ICMT: variants seen among roughly 807,000 people sequenced by gnomAD.
ICMT encodes the protein isoprenylcysteine carboxyl methyltransferase.
A neutral mutation model predicts 32.2 loss-of-function variants in ICMT; 10 were observed. The ratio of observed to expected loss-of-function variants is 0.31; its 90% confidence interval spans 0.19 to 0.53. The LOEUF (loss-of-function observed/expected upper bound fraction) is 0.53, where lower values mean the gene tolerates loss of function less well. ICMT is among the 20% of genes least tolerant of loss of function. The pLI, the probability that ICMT is intolerant of heterozygous loss-of-function variation, is 0.96. For synonymous variants in ICMT, 183 were observed against 158.2 expected, an observed-to-expected ratio of 1.16 and a Z score of -1.18; for missense variants, 265 against 356.9, an observed-to-expected ratio of 0.74 and a Z score of 2.07.
rs1336906110 is a variant in ICMT, at chr1:6,224,984, G to A, written c.*96C>T. ...AGAAGAGTGACTAATGACATAAAACGATTAAGAAAATCCATGTGGCAGCGG... is the reference window on the plus strand; with the variant it reads ...AGAAGAGTGACTAATGACATAAAACAATTAAGAAAATCCATGTGGCAGCGG... On this transcript the variant is annotated 3_prime_UTR_variant, in exon 5 of 5. Transcript: ENST00000343813. 3.7e-5 allele frequency: 41 copies of A among 1,106,108 alleles called. No homozygotes were observed. The highest frequency in any genetic ancestry group is 1.3e-4 in the South Asian group (9 of 66,748). 68.5% of individuals were successfully genotyped at this position (1,106,108 alleles called of 1,614,324 possible).
At chr1:6,235,673 GCCGCCCGCCCCGCCGGCCC>G in intron 1 of ICMT, 25 bp downstream of exon 1, 6 of 1,131,750 alleles carry the variant, frequency 5.3e-6, no homozygotes, top group Non-Finnish European at 6.5e-6. Flanking sequence ...CAAGCGGACC[GCCGCCCGCCCCGCCGGCCC>G]CCGCCGGCCC....
intron 4 of ICMT, among the ~76,000 whole-genome samples, chr1:6,226,688 A>G (rs188013745): frequency 1.1e-4 from 16 of 151,768 alleles, no homozygotes; most frequent in Admixed American, 1.0e-3. Context: ...ACCCTGTTCA[A>G]CTCTCATGGC....
chr1:6,234,562 G>A, intron 2 of ICMT: 1 of 484,874 alleles, frequency 2.1e-6, no homozygotes, highest in Non-Finnish European at 4.0e-6. Context: ...CCAGAGCCCT[G>A]CCCCTGCCCG....
rs1333693522 is a variant in ICMT at position 6,233,349 on chromosome 1, G to C, written c.454+125C>G. 3 of 821,632 alleles carry C rather than the reference G, an allele frequency of 3.7e-6. No homozygotes were observed. The East Asian group carries it at 7.3e-5, about 20-fold the overall frequency. The allele number at this position is 821,632 out of a possible 1,614,324, so 50.9% of individuals were successfully genotyped here. On this transcript the variant is annotated intron_variant, in intron 3 of 4. Coordinates refer to ENST00000343813, the MANE Select transcript of ICMT (RefSeq NM_012405.4). ...TCATCCTTTATAAATAGCTTAGTGA[G>C]GATAGAGGTCTGCGGAAAATCGCTT...
chr1:6,234,596 C>T (rs971124765), intron 2 of ICMT: 22 of 501,250 alleles, frequency 4.4e-5, no homozygotes, highest in African/African-American at 3.7e-4. Context: ...GCACCCCTTC[C>T]GGGAAGGGCT....
chr1:6,235,763 C>A lies in ICMT; in HGVS notation c.149G>T (p.Gly50Val), dbSNP rs1404458630. ...GRTGLALYVA[G>V]LNALLLLLYR... ...GAGCAGCAGCAGCAGCGCGTTGAGCCCGGCCACGTAGAGCGCCAGCCCGGT... is the reference window on the plus strand; with the variant it reads ...GAGCAGCAGCAGCAGCGCGTTGAGCACGGCCACGTAGAGCGCCAGCCCGGT... Residue 50 changes from glycine to valine, a missense_variant, in exon 1 of 5, where the codon GGG (glycine) becomes GTG (valine). Physicochemically the swap from Gly to Val is moderately radical, Grantham distance 109. Around this residue, in one of 2 missense-constraint regions of ICMT, gnomAD observed 99 missense variants for 92.6 expected, o/e 1.07. Transcript: ENST00000343813. 1.5e-6 allele frequency: 2 copies of A among 1,342,144 alleles called. No individual in the cohort carries two copies. Among genetic ancestry groups the A allele is most frequent in the African/African-American group, 1.5e-5 (1 of 65,146 alleles). 83.1% of individuals were successfully genotyped at this position (1,342,144 alleles called of 1,614,324 possible).
intron 4 of ICMT, among the ~76,000 whole-genome samples, chr1:6,226,732 G>GT (rs921646367): frequency 4.6e-5 from 7 of 151,930 alleles, no homozygotes; most frequent in Admixed American, 6.6e-5. Context: ...TCCCCACTTT[G>GT]TTTTTTTTAA....
intron 1 of ICMT, 121 bp downstream of exon 1, chr1:6,235,596 G>A (rs368591406): frequency 4.9e-6 from 3 of 615,590 alleles, no homozygotes; most frequent in Non-Finnish European, 6.5e-6. Context: ...ACCTGAACTC[G>A]CGGATGAAGA....
intron 3 of ICMT, 31 bp downstream of exon 3, chr1:6,233,443 C>T: frequency 6.3e-7 from 1 of 1,591,198 alleles, no homozygotes; most frequent in South Asian, 1.1e-5. Flanking sequence ...CACCCTTTTC[C>T]CCTCCAGAGG....
intron 4 of ICMT, among the ~76,000 whole-genome samples, chr1:6,226,899 G>C (rs577944991): frequency 5.6e-4 from 86 of 152,328 alleles, no homozygotes; most frequent in African/African-American, 2.0e-3. Flanking sequence ...CATGAGAGGA[G>C]AAGGAGGCCA....
At chr1:6,235,590 G>A in intron 1 of ICMT, 127 bp downstream of exon 1, 1 of 563,562 alleles carries the variant, frequency 1.8e-6, no homozygotes, top group South Asian at 8.1e-5. Context: ...CCTGCGACCT[G>A]AACTCGCGGA....
chr1:6,234,660 G>C, intron 2 of ICMT: 1 of 568,768 alleles, frequency 1.8e-6, no homozygotes, highest in Non-Finnish European at 3.2e-6. Flanking sequence ...ACCTTTGGGG[G>C]TGCCAGGGAG....
At chr1:6,233,668 A>T in intron 2 of ICMT, 25 bp from the exon 3 acceptor site, 1 of 1,595,472 alleles carries the variant, frequency 6.3e-7, no homozygotes, top group Non-Finnish European at 8.6e-7. Flanking sequence ...AAAGAGAGTT[A>T]AGTTGGGACA....
intron 4 of ICMT, among the ~76,000 whole-genome samples, chr1:6,227,764 G>A (rs1334457940): frequency 1.3e-5 from 2 of 152,002 alleles, no homozygotes; most frequent in East Asian, 2.0e-4. Context: ...GCTGAGGCAG[G>A]AGAATGGCGT....
intron 1 of ICMT, among the ~76,000 whole-genome samples, chr1:6,235,467 C>G (rs569888073): frequency 1.3e-4 from 20 of 152,300 alleles, no homozygotes; most frequent in African/African-American, 4.3e-4. Flanking sequence ...CATAAAAGCA[C>G]TCGCGGGCTC....
chr1:6,232,215 A>G, intron 3 of ICMT, 96 bp from the exon 4 acceptor site: 1 of 848,286 alleles, frequency 1.2e-6, no homozygotes, highest in Non-Finnish European at 1.8e-6. Flanking sequence ...TCCCGAAGAC[A>G]GAAACAGAAA....
intron 4 of ICMT, among the ~76,000 whole-genome samples, chr1:6,231,338 G>A (rs1363204445): frequency 6.6e-6 from 1 of 152,094 alleles, no homozygotes; most frequent in African/African-American, 2.4e-5. Context: ...GAGTGACAGA[G>A]GGCACTCCCT....
rs571614457 is a variant in ICMT, at chr1:6,226,044, G to A, written c.673-782C>T. Among the ~76,000 whole-genome samples the A allele has an allele frequency of 2.0e-5, 3 of 152,100 alleles. No homozygotes were observed. In the East Asian group the frequency reaches 5.8e-4, roughly 30 times the overall value. ...TAATTTTTGTATTTTTTGTAGAGAT[G>A]GGGTTTCACAATGTTGCCCAAGCTG... On this transcript the variant is annotated intron_variant, in intron 4 of 4. Coordinates refer to ENST00000343813, the MANE Select transcript of ICMT (RefSeq NM_012405.4).
chr1:6,234,012 T>C (rs846106), intron 2 of ICMT, among the ~76,000 whole-genome samples: 75,326 of 152,036 alleles, frequency 0.5, 22,928 homozygotes, highest in African/African-American at 0.87. Context: ...CCACGCCCAG[T>C]TCATTTTTGT....
Sources: gnomAD v4.1 joint callset for allele counts (sites outside exome capture counted in the v4.1 genomes callset) on GRCh38, gnomAD v4.1.1 for gene constraint, gnomAD v4.1.1 regional missense constraint, MANE v1.5 for transcripts, NCBI Gene and HGNC (gene_info 2026-07-23, HGNC 2026-07-21) for gene names.